Variants in GABRG2 observed in about 807,000 individuals in gnomAD.
GABRG2 encodes the protein gamma-aminobutyric acid receptor subunit gamma-2.
A neutral mutation model predicts 56.4 loss-of-function variants in GABRG2; 16 were observed. The observed-to-expected ratio is 0.28, with a 90% CI of 0.19 to 0.43. GABRG2 has a LOEUF of 0.43. GABRG2 is among the 20% of genes least tolerant of loss of function. The pLI, the probability that GABRG2 is intolerant of heterozygous loss-of-function variation, is 1.00. For missense variants in GABRG2, 327 were observed against 582.7 expected, an observed-to-expected ratio of 0.56 and a Z score of 4.52; for synonymous variants, 208 against 205.5, an observed-to-expected ratio of 1.01 and a Z score of -0.10.
rs868460983 is a variant in GABRG2 at position 162,101,253 on chromosome 5, G to A, written c.567G>A (p.Glu189=). 2.5e-6 allele frequency: 4 copies of A among 1,609,018 alleles called. No homozygotes were observed. The highest frequency in any genetic ancestry group is 2.6e-6 in the Non-Finnish European group (3 of 1,175,748). ...LYTLRLTIDA[E]CQLQLHNFPM... ...TACTTAGGTTGACAATTGATGCTGA[G>A]TGCCAATTACAATTGCACAACTTTC... is the stretch of plus-strand genomic sequence containing the variant. The change falls in exon 5 of 10, where the codon GAG becomes GAA. Residue 189 remains glutamate (E), a synonymous_variant. Coordinates refer to ENST00000639213, the MANE Select transcript of GABRG2 (RefSeq NM_198904.4).
chr5:162,109,913 C>T (rs1345938141), intron 6 of GABRG2, among the ~76,000 whole-genome samples: 1 of 152,060 alleles, frequency 6.6e-6, no homozygotes, highest in East Asian at 1.9e-4. Flanking sequence ...GCCATCATAA[C>T]GAATCACAAG....
chr5:162,077,990 G>T (rs916393963), intron 1 of GABRG2, among the ~76,000 whole-genome samples: 1 of 152,064 alleles, frequency 6.6e-6, no homozygotes, highest in Non-Finnish European at 1.5e-5. Context: ...GTCTTTACAA[G>T]AAAGTGTCAA....
Position 162,067,964 on chromosome 5 carries a change from GA to G in GABRG2, c.-35del. ...AGGGGAGGGATTCTTCTGCAACCAA[GA>G]GGCAAGAGGCGAGAGAAGGAAAAAA... On this transcript the variant is annotated 5_prime_UTR_variant, in exon 1 of 10. Transcript: ENST00000639213. 1 of 1,395,564 alleles carries G rather than the reference GA, an allele frequency of 7.2e-7. No homozygotes were observed. Among genetic ancestry groups the G allele is most frequent in the Non-Finnish European group, 1.0e-6 (1 of 984,990 alleles). 86.4% of individuals were successfully genotyped at this position (1,395,564 alleles called of 1,614,324 possible).
At chr5:162,106,351 G>A (rs1445678210) in intron 6 of GABRG2, among the ~76,000 whole-genome samples, 2 of 152,128 alleles carry the variant, frequency 1.3e-5, no homozygotes, top group Admixed American at 6.5e-5. Flanking sequence ...TCCTCACCCT[G>A]CTGGTTTGTA....
chr5:162,082,969 A>G (rs73304520), intron 1 of GABRG2, among the ~76,000 whole-genome samples: 2,224 of 151,770 alleles, frequency 0.015, 56 homozygotes, highest in African/African-American at 0.051. Context: ...GTTTACCTTG[A>G]ATCTAAAGAT....
At chr5:162,088,673 A>G (rs964478520) in intron 1 of GABRG2, among the ~76,000 whole-genome samples, 1 of 152,122 alleles carries the variant, frequency 6.6e-6, no homozygotes, top group Non-Finnish European at 1.5e-5. Context: ...TAATGCATGT[A>G]TAGCTGTAGA....
rs116473658 is a variant in GABRG2 at position 162,149,906 on chromosome 5, G to A, written c.1128+593G>A. On this transcript the variant is annotated intron_variant, in intron 8 of 9. Coordinates refer to ENST00000639213, the MANE Select transcript of GABRG2 (RefSeq NM_198904.4). Reference sequence around the variant, plus strand: ...TGGGATTAGATGCGTGAGCCACTGCGCCTGGCCATGATAATATTATTAAAT... The same window carrying A: ...TGGGATTAGATGCGTGAGCCACTGCACCTGGCCATGATAATATTATTAAAT... 2.9e-3 allele frequency: 732 copies of A among 248,432 alleles called. 10 individuals are homozygous for A. Among genetic ancestry groups the A allele is most frequent in the African/African-American group, 0.016 (699 of 44,474 alleles). 15.4% of individuals were successfully genotyped at this position (248,432 alleles called of 1,614,324 possible).
intron 1 of GABRG2, among the ~76,000 whole-genome samples, chr5:162,079,489 T>C (rs541774630): frequency 1.1e-4 from 17 of 152,312 alleles, no homozygotes; most frequent in African/African-American, 3.8e-4. Flanking sequence ...ATTTTGTTAA[T>C]CACGTTTTAT....
At chr5:162,100,778 A>G (rs1761356722) in intron 4 of GABRG2, among the ~76,000 whole-genome samples, 1 of 152,166 alleles carries the variant, frequency 6.6e-6, no homozygotes, top group Admixed American at 6.5e-5. Flanking sequence ...TTTAGCAATT[A>G]AAGCTAACAG....
At position 162,093,066 on chromosome 5, in the gene GABRG2, T is replaced by A. The variant is rs553413312; in HGVS notation, c.108-762T>A. Among the ~76,000 whole-genome samples, 7 of 152,280 alleles carry A rather than the reference T, an allele frequency of 4.6e-5. No homozygotes were observed. In the East Asian group the frequency reaches 1.2e-3, roughly 25 times the overall value. On this transcript the variant is annotated intron_variant, in intron 1 of 9. Coordinates refer to ENST00000639213, the MANE Select transcript of GABRG2 (RefSeq NM_198904.4). ...ATTGCTGAAAGGGTTTCTGATAGGT[T>A]TGGGCATAGTGAATATAATGAAAGA...
At chr5:162,077,873 C>T (rs945935137) in intron 1 of GABRG2, among the ~76,000 whole-genome samples, 2 of 151,902 alleles carry the variant, frequency 1.3e-5, no homozygotes, top group African/African-American at 4.8e-5. Context: ...GTCTTTTGAG[C>T]TCTACATGGG....
intron 6 of GABRG2, among the ~76,000 whole-genome samples, chr5:162,115,464 G>A (rs979650756): frequency 6.6e-6 from 1 of 150,804 alleles, no homozygotes; most frequent in Non-Finnish European, 1.5e-5. Context: ...GAGATCTTAG[G>A]TGAGGGAAGG....
chr5:162,102,473 T>A, intron 5 of GABRG2: 1 of 453,890 alleles, frequency 2.2e-6, no homozygotes, highest in Non-Finnish European at 4.4e-6. Flanking sequence ...TCAGAATAAT[T>A]CAGTCACCAG....
At chr5:162,068,146 G>A (rs1371061808) in intron 1 of GABRG2, 40 bp downstream of exon 1, 2 of 1,440,742 alleles carry the variant, frequency 1.4e-6, no homozygotes, top group Non-Finnish European at 2.0e-6. Context: ...GTTCTGAAGA[G>A]GTGGGGGGAA....
intron 6 of GABRG2, among the ~76,000 whole-genome samples, chr5:162,141,239 G>T (rs150379599): frequency 6.6e-6 from 1 of 152,022 alleles, no homozygotes; most frequent in East Asian, 1.9e-4. Context: ...GGGTTTCACC[G>T]TGTTAGCCAG....
At chr5:162,076,245 ATG>A (rs1371900202) in intron 1 of GABRG2, among the ~76,000 whole-genome samples, 1 of 152,134 alleles carries the variant, frequency 6.6e-6, no homozygotes, top group Non-Finnish European at 1.5e-5. Flanking sequence ...TGACCTTTAC[ATG>A]GTGTTATTTT....
At chr5:162,087,333 T>C (rs2113246421) in intron 1 of GABRG2, among the ~76,000 whole-genome samples, 2 of 152,170 alleles carry the variant, frequency 1.3e-5, no homozygotes, top group Admixed American at 1.3e-4. Context: ...ATGCTAGTGG[T>C]AGGTTTATAT....
chr5:162,140,972 C>A (rs1464758128), intron 6 of GABRG2, among the ~76,000 whole-genome samples: 1 of 152,064 alleles, frequency 6.6e-6, no homozygotes, highest in Non-Finnish European at 1.5e-5. Context: ...TTCCTTTATT[C>A]TTTTAGTAGT....
rs559455099 is a variant in GABRG2, at chr5:162,090,696, C to T, written c.108-3132C>T. Among the ~76,000 whole-genome samples, 27 of 152,258 alleles carry T rather than the reference C, an allele frequency of 1.8e-4. No homozygotes were observed. In the South Asian group the frequency reaches 5.4e-3, roughly 30 times the overall value. Reference sequence around the variant, plus strand: ...GGATAAGTTTAATTTCAGTTATTTTCCTCTGTAAGAAAGTATTTTTAATTA... The same window carrying T: ...GGATAAGTTTAATTTCAGTTATTTTTCTCTGTAAGAAAGTATTTTTAATTA... On this transcript the variant is annotated intron_variant, in intron 1 of 9. Coordinates refer to ENST00000639213, the MANE Select transcript of GABRG2 (RefSeq NM_198904.4).
Sources: gnomAD v4.1 joint callset for allele counts (sites outside exome capture counted in the v4.1 genomes callset) on GRCh38, gnomAD v4.1.1 for gene constraint, MANE v1.5 for transcripts, NCBI Gene and HGNC (gene_info 2026-07-23, HGNC 2026-07-21) for gene names.